The following NUP85 variants were observed in gnomAD, a reference collection of about 807,000 sequenced individuals.
The protein encoded by NUP85 is nucleoporin 85.
In NUP85, 23 loss-of-function variants were observed where a neutral mutation model predicts 92.8. The observed-to-expected ratio is 0.25, with a 90% CI of 0.18 to 0.35. The LOEUF is 0.35. NUP85 is among the 10% of genes least tolerant of loss of function. The pLI is 1.00. For missense variants in NUP85, 759 were observed against 822.8 expected, an observed-to-expected ratio of 0.92 and a Z score of 0.95; for synonymous variants, 314 against 306.9, an observed-to-expected ratio of 1.02 and a Z score of -0.24.
chr17:75,224,825 T>G (rs1250844742), intron 7 of NUP85, among the ~76,000 whole-genome samples: 1 of 87,528 alleles, frequency 1.1e-5, no homozygotes, highest in Non-Finnish European at 2.4e-5. Flanking sequence ...AGAGGGGAAC[T>G]CTGGAAAAAA....
intron 7 of NUP85, among the ~76,000 whole-genome samples, 198 bp downstream of exon 7, chr17:75,218,504 C>T (rs1197400895): frequency 1.3e-5 from 2 of 149,402 alleles, no homozygotes; most frequent in Non-Finnish European, 3.0e-5. Context: ...AAAAATAATG[C>T]TTTGAAGACT....
intron 3 of NUP85, among the ~76,000 whole-genome samples, chr17:75,210,710 GT>G (rs1035043875): frequency 4.6e-5 from 7 of 151,754 alleles, no homozygotes; most frequent in South Asian, 2.1e-4. Context: ...TTGTTTTTCT[GT>G]TTTTTTTCGA....
At chr17:75,235,450 C>A in intron 18 of NUP85, 128 bp from the exon 19 acceptor site, 1 of 668,662 alleles carries the variant, frequency 1.5e-6, no homozygotes, top group Non-Finnish European at 2.6e-6. Flanking sequence ...CTTTCTTTTA[C>A]ATCGATAATT....
At chr17:75,207,242 G>A (rs998945032) in intron 1 of NUP85, among the ~76,000 whole-genome samples, 3 of 151,562 alleles carry the variant, frequency 2.0e-5, no homozygotes, top group African/African-American at 7.3e-5. Flanking sequence ...AGAGTGCAGT[G>A]GTGCGGTCTC....
intron 1 of NUP85, among the ~76,000 whole-genome samples, chr17:75,206,338 T>C (rs1202352055): frequency 6.6e-6 from 1 of 152,122 alleles, no homozygotes; most frequent in African/African-American, 2.4e-5. Flanking sequence ...TACCTACCGT[T>C]TCTGCTAGTT....
At chr17:75,214,097 G>C (rs1168204883) in intron 5 of NUP85, among the ~76,000 whole-genome samples, 1 of 151,854 alleles carries the variant, frequency 6.6e-6, no homozygotes, top group East Asian at 1.9e-4. Flanking sequence ...GCCTGCCTCA[G>C]CCTCCCAAAG....
At position 75,225,746 on chromosome 17, in the gene NUP85, A is replaced by G. The variant is rs1397311985; in HGVS notation, c.904A>G (p.Ser302Gly). The G allele has an allele frequency of 6.2e-7, 1 of 1,613,810 alleles. No individual in the cohort carries two copies. Among genetic ancestry groups the G allele is most frequent in the Non-Finnish European group, 8.5e-7 (1 of 1,179,878 alleles). ...AALLEQKELLSNWYHFLVTRL... is the reference protein window; with the variant it reads ...AALLEQKELLGNWYHFLVTRL... ...CTTGTTAGAGCAGAAGGAACTTCTG[A>G]GTAATTGGTATCATTTCCTAGTGAC... The change falls in exon 10 of 19, where the codon AGT (serine) becomes GGT (glycine). Residue 302 changes from serine (S) to glycine (G), a missense_variant. Ser to Gly is a moderately conservative substitution (Grantham distance 56). Transcript: ENST00000245544.
chr17:75,234,482 CTA>C (rs2076244179), intron 16 of NUP85, among the ~76,000 whole-genome samples, 153 bp from the exon 17 acceptor site: 1 of 152,216 alleles, frequency 6.6e-6, no homozygotes, highest in South Asian at 2.1e-4. Flanking sequence ...TCATTGGGAC[CTA>C]TGAGTTTGGA....
At chr17:75,211,890 T>A in intron 3 of NUP85, 102 bp from the exon 4 acceptor site, 1 of 921,816 alleles carries the variant, frequency 1.1e-6, no homozygotes, top group Non-Finnish European at 1.7e-6. Flanking sequence ...ACGGCTCTCC[T>A]CTTTCTTTCA....
At chr17:75,212,947 G>C in intron 4 of NUP85, 129 bp from the exon 5 acceptor site, 8 of 896,694 alleles carry the variant, frequency 8.9e-6, no homozygotes, top group Non-Finnish European at 1.4e-5. Context: ...AATTAAAAGA[G>C]ATTATAATGT....
chr17:75,208,522 A>ACTAGTTGATTCCAGG lies in NUP85; in HGVS notation c.34-3_45dup. 6.8e-7 allele frequency: 1 copy of ACTAGTTGATTCCAGG among 1,477,660 alleles called. No individual in the cohort carries two copies. Among genetic ancestry groups the ACTAGTTGATTCCAGG allele is most frequent in the Non-Finnish European group, 9.4e-7 (1 of 1,058,532 alleles). The allele number at this position is 1,477,660 out of a possible 1,614,324, so 91.5% of individuals were successfully genotyped here. A position where few individuals can be genotyped will look rare whatever the true frequency, so the allele number is the denominator to read the frequency against. On this transcript the variant is annotated splice_polypyrimidine_tract_variant and splice_region_variant and intron_variant, in intron 1 of 18. Transcript: ENST00000245544. ...ATTTTAGATTTCTATGCCTTATTTT[A>ACTAGTTGATTCCAGG]CTAGTTGATTCCAGGCGTGAATTCC...
rs1011793023 is a variant in NUP85 at position 75,227,976 on chromosome 17, C to T, written c.1094+1819C>T. On this transcript the variant is annotated intron_variant, in intron 11 of 18. Transcript: ENST00000245544. Reference sequence around the variant, plus strand: ...GTTTTGTGTCAATATTTTCACAGGCCTGTAAACATTGTGAGAAGTCCCTGC... The same window carrying T: ...GTTTTGTGTCAATATTTTCACAGGCTTGTAAACATTGTGAGAAGTCCCTGC... 2.5e-5 allele frequency: 4 copies of T among 157,596 alleles called. No homozygotes were observed. The South Asian group carries it at 6.1e-4, about 24-fold the overall frequency. The allele number at this position is 157,596 out of a possible 1,614,324, so 9.8% of individuals were successfully genotyped here.
In NUP85 at chr17:75,235,000, C is replaced by T. The variant is rs892178412; in HGVS notation, c.1768-100C>T. 86 of 1,083,516 alleles carry T rather than the reference C, an allele frequency of 7.9e-5. No homozygotes were observed. The African/African-American group carries it at 1.1e-3, about 13-fold the overall frequency. 67.1% of individuals were successfully genotyped at this position (1,083,516 alleles called of 1,614,324 possible). A position where few individuals can be genotyped will look rare whatever the true frequency, so the allele number is the denominator to read the frequency against. On this transcript the variant is annotated intron_variant, in intron 17 of 18. Coordinates refer to ENST00000245544, the MANE Select transcript of NUP85 (RefSeq NM_024844.5). ...TATTCGTATACAAAGCACACTATTG[C>T]GAAGGGTATGAAAGGAAGAACGTCC...
rs73998417 is a variant in NUP85 at position 75,235,517 on chromosome 17, T to C, written c.1870-61T>C. ...TCTACCTTTGGATTAGCTAGACCCT[T>C]CGGGAGTGTGAAAGGGCTCCTTCCT... On this transcript the variant is annotated intron_variant, in intron 18 of 18. Coordinates refer to ENST00000245544, the MANE Select transcript of NUP85 (RefSeq NM_024844.5). 5 of 1,212,416 alleles carry C rather than the reference T, an allele frequency of 4.1e-6. No individual in the cohort carries two copies. The Admixed American group carries it at 5.2e-5, about 13-fold the overall frequency. The allele number at this position is 1,212,416 out of a possible 1,614,324, so 75.1% of individuals were successfully genotyped here.
At chr17:75,218,686 C>G (rs1416938871) in intron 7 of NUP85, among the ~76,000 whole-genome samples, 1 of 137,586 alleles carries the variant, frequency 7.3e-6, no homozygotes, top group East Asian at 2.3e-4. Flanking sequence ...TCAGGAATCT[C>G]TTGAGCCCAG....
chr17:75,212,205 T>G (rs992622827), intron 4 of NUP85, 143 bp downstream of exon 4: 3 of 370,260 alleles, frequency 8.1e-6, no homozygotes, highest in Non-Finnish European at 1.5e-5. Flanking sequence ...TCATAATCCT[T>G]ACTTTTTTGG....
chr17:75,233,437 C>CT (rs60396796), intron 16 of NUP85, among the ~76,000 whole-genome samples: 95,461 of 116,946 alleles, frequency 0.82, 40,308 homozygotes, highest in Non-Finnish European at 0.91. Flanking sequence ...TTTATTTTTT[C>CT]TTTTTTTTTT....
At chr17:75,228,544 G>C (rs1005714) in intron 11 of NUP85, 807,127 of 985,170 alleles carry the variant, frequency 0.82, 331,489 homozygotes, top group East Asian at 0.87. Context: ...TGCCCTCCTG[G>C]CTCTGGGGAA....
intron 3 of NUP85, among the ~76,000 whole-genome samples, chr17:75,210,373 A>G (rs2075219740): frequency 6.6e-6 from 1 of 152,232 alleles, no homozygotes; most frequent in Admixed American, 6.5e-5. Context: ...ACAGACCAGA[A>G]AACTCTCGTA....
Sources: gnomAD v4.1 joint callset for allele counts (sites outside exome capture counted in the v4.1 genomes callset) on GRCh38, gnomAD v4.1.1 for gene constraint, MANE v1.5 for transcripts, NCBI Gene and HGNC (gene_info 2026-07-23, HGNC 2026-07-21) for gene names.